LGALS8: variants seen among roughly 807,000 people sequenced by gnomAD.
The protein encoded by LGALS8 is galectin 8.
LGALS8 carries 30 observed loss-of-function variants against 35.9 expected under a neutral mutation model. That is an observed-to-expected ratio of 0.83 (90% CI 0.62 to 1.13). The LOEUF is 1.13. LGALS8 is among the 50% of genes most tolerant of loss of function. The pLI is 0.00. For missense variants in LGALS8, 366 were observed against 388.7 expected (o/e 0.94, Z 0.49); for synonymous variants, 138 against 136.1 (o/e 1.01, Z -0.10).
At position 236,550,752 on chromosome 1, in the gene LGALS8, G is replaced by T. The variant is rs112742366; in HGVS notation, c.*2591G>T. 3.3e-6 allele frequency: 2 copies of T among 597,230 alleles called. No homozygotes were observed. The highest frequency in any genetic ancestry group is 2.9e-5 in the East Asian group (1 of 34,776). The allele number at this position is 597,230 out of a possible 1,614,324, so 37.0% of individuals were successfully genotyped here. On this transcript the variant is annotated 3_prime_UTR_variant, in exon 10 of 10. Coordinates refer to ENST00000366584, the MANE Select transcript of LGALS8 (RefSeq NM_201544.4). Reference sequence around the variant, plus strand: ...CTTATGTGGCAGCACAAGCCAGGTGGGGATTTTGTAAAGAAGTGATAAAAC... The same window carrying T: ...CTTATGTGGCAGCACAAGCCAGGTGTGGATTTTGTAAAGAAGTGATAAAAC...
At chr1:236,545,601 T>C (rs1026112509) in intron 9 of LGALS8, among the ~76,000 whole-genome samples, 4 of 152,184 alleles carry the variant, frequency 2.6e-5, no homozygotes, top group Non-Finnish European at 5.9e-5. Context: ...AACTGACACA[T>C]TGTCTGGACC....
In LGALS8 at chr1:236,537,566, G is replaced by C. The variant is rs1487152494; in HGVS notation, c.115G>C (p.Val39Leu). 1.2e-6 allele frequency: 2 copies of C among 1,602,950 alleles called. No individual in the cohort carries two copies. The highest frequency in any genetic ancestry group is 1.7e-6 in the Non-Finnish European group (2 of 1,169,666). Residue 39 changes from valine (V) to leucine (L), a missense_variant, in exon 3 of 10, where the codon GTT (valine) becomes CTT (leucine). Val to Leu is a conservative substitution (Grantham distance 32). Coordinates refer to ENST00000366584, the MANE Select transcript of LGALS8 (RefSeq NM_201544.4). ...AACTTTGATTGTGATACGTGGGCAT[G>C]TTCCTAGTGACGCAGACAGGTAAAA... ...PGTLIVIRGH[V>L]PSDADRFQVD...
intron 6 of LGALS8, chr1:236,542,417 C>G (rs1400163916): frequency 1.3e-5 from 4 of 303,972 alleles, no homozygotes; most frequent in African/African-American, 6.5e-5. Context: ...GAGGTTGAGG[C>G]TGCAGTGAGC....
chr1:236,532,257 G>A (rs1661191393), intron 2 of LGALS8, among the ~76,000 whole-genome samples: 1 of 152,164 alleles, frequency 6.6e-6, no homozygotes, highest in Admixed American at 6.5e-5. Context: ...TGCCTCGTAA[G>A]GAGGCCTTTC....
Position 236,526,131 on chromosome 1 carries a change from A to C in LGALS8, c.45+16A>C, listed in dbSNP as rs903588462. ...CTATAACCCGGTAACTGATTTCTAT[A>C]AGATAACTTTTTACCTATGCCAGGA... On this transcript the variant is annotated intron_variant, in intron 2 of 9. Coordinates refer to ENST00000366584, the MANE Select transcript of LGALS8 (RefSeq NM_201544.4). This position sits in a 1 kb window ranked among gnomAD's most constrained non-coding sequence, Gnocchi z 4.6. 1.3e-6 allele frequency: 2 copies of C among 1,572,824 alleles called. No individual in the cohort carries two copies. Among genetic ancestry groups the C allele is most frequent in the Admixed American group, 3.3e-5 (2 of 59,924 alleles).
intron 2 of LGALS8, chr1:236,536,196 A>C (rs534862900): frequency 6.6e-6 from 1 of 152,092 alleles, no homozygotes; most frequent in African/African-American, 2.4e-5. Flanking sequence ...GTCTTATTTT[A>C]TTTCTTATTT....
upstream of LGALS8, among the ~76,000 whole-genome samples, chr1:236,519,507 G>T (rs1283738480): frequency 6.6e-6 from 1 of 152,138 alleles, no homozygotes. Flanking sequence ...TACCAGAAGT[G>T]ATCCTTTTAT....
At chr1:236,543,104 G>A in intron 7 of LGALS8, 1 of 1,451,632 alleles carries the variant, frequency 6.9e-7, no homozygotes, top group East Asian at 2.3e-5. Context: ...GCTGTTACGA[G>A]TAACCTGTAT....
At position 236,540,683 on chromosome 1, in the gene LGALS8, G is replaced by A. The variant is rs370612417; in HGVS notation, c.465G>A (p.Ser155=). 41 of 1,603,070 alleles carry A rather than the reference G, an allele frequency of 2.6e-5. No homozygotes were observed. The highest frequency in any genetic ancestry group is 3.3e-5 in the Non-Finnish European group (39 of 1,175,208). Residue 155 remains serine (S), a splice_region_variant and synonymous_variant, in exon 5 of 10, where the codon TCG becomes TCA. Transcript: ENST00000366584. ...ACTCAATTGGTTTTAGCTTCAGCTC[G>A]GTGAGTGACCTTCCACAGCTTGGGG... ...NIHSIGFSFS[S]DLQSTQASSL...
chr1:236,524,365 G>C (rs1445742804), intron 1 of LGALS8: 1 of 456,542 alleles, frequency 2.2e-6, no homozygotes, highest in Non-Finnish European at 4.4e-6. Flanking sequence ...GTGTCTCCTC[G>C]CTGCAAACCC....
Position 236,543,157 on chromosome 1 carries a change from C to T in LGALS8, c.549+370C>T, listed in dbSNP as rs552090156. The T allele has an allele frequency of 2.2e-4, 201 of 914,178 alleles. 1 individual carries two copies. Among genetic ancestry groups the T allele is most frequent in the Non-Finnish European group, 3.0e-4 (175 of 578,386 alleles). The allele number at this position is 914,178 out of a possible 1,614,324, so 56.6% of individuals were successfully genotyped here. The stretch of plus-strand genomic sequence containing the variant: ...AGCAGCCCCCTCTGCATTTGTGTGC[C>T]GTCCCTGGACGGATTCGAGAGTCAA... On this transcript the variant is annotated intron_variant, in intron 7 of 9. Coordinates refer to ENST00000366584, the MANE Select transcript of LGALS8 (RefSeq NM_201544.4).
intron 2 of LGALS8, among the ~76,000 whole-genome samples, chr1:236,531,740 C>A (rs145076284): frequency 6.6e-6 from 1 of 152,090 alleles, no homozygotes; most frequent in Non-Finnish European, 1.5e-5. Flanking sequence ...ATATTATTGC[C>A]CTGGCCTGAC....
At chr1:236,519,948 A>ATTTTTTTTTTTTTTTTTT (rs35589317), upstream of LGALS8, among the ~76,000 whole-genome samples, 1 of 109,442 alleles carries the variant, frequency 9.1e-6, no homozygotes, top group African/African-American at 3.9e-5. Context: ...GTTTTGTACA[A>ATTTTTTTTTTTTTTTTTT]TTTTTTTTTT....
chr1:236,537,170 C>T (rs1226875391), intron 2 of LGALS8, among the ~76,000 whole-genome samples: 1 of 151,874 alleles, frequency 6.6e-6, no homozygotes, highest in East Asian at 1.9e-4. Context: ...GCGCCCACCA[C>T]CACACCCGGC....
At chr1:236,530,238 T>C (rs1026278847) in intron 2 of LGALS8, among the ~76,000 whole-genome samples, 1 of 152,232 alleles carries the variant, frequency 6.6e-6, no homozygotes, top group African/African-American at 2.4e-5. Context: ...GCTTCCATGT[T>C]TATCCTTTTC....
chr1:236,548,375 G>A lies in LGALS8; in HGVS notation c.*214G>A, dbSNP rs1181900738. The A allele has an allele frequency of 1.9e-6, 1 of 532,420 alleles. No homozygotes were observed. The highest frequency in any genetic ancestry group is 3.2e-5 in the East Asian group (1 of 31,178). The allele number at this position is 532,420 out of a possible 1,614,324, so 33.0% of individuals were successfully genotyped here. A position where few individuals can be genotyped will look rare whatever the true frequency, so the allele number is the denominator to read the frequency against. On this transcript the variant is annotated 3_prime_UTR_variant, in exon 10 of 10. Transcript: ENST00000366584. ...CTGGGGGCAGCAACACTTATAGCCA[G>A]TTAAAGCCACTCTGCCCTCTCTCCT...
intron 9 of LGALS8, among the ~76,000 whole-genome samples, chr1:236,546,254 G>C (rs1402442593): frequency 1.3e-5 from 2 of 152,164 alleles, no homozygotes; most frequent in East Asian, 3.9e-4. Flanking sequence ...ATATGCTTTT[G>C]AACAATCGTC....
In LGALS8 at chr1:236,548,608, C is replaced by A; in HGVS notation, c.*447C>A. 3.5e-6 allele frequency: 1 copy of A among 283,730 alleles called. No homozygotes were observed. 17.6% of individuals were successfully genotyped at this position (283,730 alleles called of 1,614,324 possible). A position where few individuals can be genotyped will look rare whatever the true frequency, so the allele number is the denominator to read the frequency against. On this transcript the variant is annotated 3_prime_UTR_variant, in exon 10 of 10. Coordinates refer to ENST00000366584, the MANE Select transcript of LGALS8 (RefSeq NM_201544.4). ...CTACTGCTGCGCACTGCTTTTTCTA[C>A]AGGCATTACATCAACTCCTAAGGGG...
intron 3 of LGALS8, among the ~76,000 whole-genome samples, chr1:236,538,390 C>T (rs35718982): frequency 0.6 from 91,675 of 151,604 alleles, 28,685 homozygotes; most frequent in Non-Finnish European, 0.69. Context: ...CCTTCGAGCT[C>T]ACCACTCTGT....
Sources: allele counts gnomAD v4.1 joint callset (sites outside exome capture counted in the v4.1 genomes callset), GRCh38; gene constraint gnomAD v4.1.1; non-coding constraint Gnocchi (gnomAD v3.1); transcripts MANE v1.5; gene names NCBI Gene and HGNC (gene_info 2026-07-23, HGNC 2026-07-21).